IL6R: variants seen among roughly 807,000 people sequenced by gnomAD.
IL6R encodes interleukin-6 receptor subunit alpha.
IL6R carries 38 observed loss-of-function variants against 48.3 expected under a neutral mutation model. The ratio of observed to expected loss-of-function variants is 0.79; its 90% CI spans 0.61 to 1.03. The LOEUF (loss-of-function observed/expected upper bound fraction) is 1.03. IL6R is among the 50% of genes least tolerant of loss of function. The pLI, the probability that IL6R is intolerant of heterozygous loss-of-function variation, is 0.00. For missense variants in IL6R, 534 were observed against 618.3 expected (o/e 0.86, Z 1.45); for synonymous variants, 264 against 256.2 (o/e 1.03, Z -0.29).
chr1:154,434,656 G>A lies in IL6R; in HGVS notation c.596G>A (p.Gly199Glu). The change falls in exon 4 of 10, where the codon GGG becomes GAG. Residue 199 changes from glycine to glutamate, a missense_variant. Gly to Glu is a moderately conservative substitution (Grantham distance 98). Coordinates refer to ENST00000368485, the MANE Select transcript of IL6R (RefSeq NM_000565.4). ...TCCATGTGCGTCGCCAGTAGTGTCG[G>A]GAGCAAGTTCAGCAAAACTCAAACC... ...IVSMCVASSVGSKFSKTQTFQ... is the reference protein window; with the variant it reads ...IVSMCVASSVESKFSKTQTFQ... 3 of 1,614,108 alleles carry A rather than the reference G, an allele frequency of 1.9e-6. No homozygotes were observed. The highest frequency in any genetic ancestry group is 2.5e-6 in the Non-Finnish European group (3 of 1,180,020).
intron 1 of IL6R, chr1:154,414,955 C>A (rs1688249781): frequency 7.7e-7 from 1 of 1,307,156 alleles, no homozygotes; most frequent in South Asian, 1.3e-5. Flanking sequence ...TAGGATGCTC[C>A]ACTGGCCCCG....
In IL6R at chr1:154,466,078, G is replaced by A. The variant is rs535441734; in HGVS notation, c.*698G>A. ...TTGCTAAATGTGAATGATGATCCTA[G>A]GCATTTGCTGAATACAGAGGCAACT... On this transcript the variant is annotated 3_prime_UTR_variant, in exon 10 of 10. Coordinates refer to ENST00000368485, the MANE Select transcript of IL6R (RefSeq NM_000565.4). 6.5e-6 allele frequency: 1 copy of A among 152,972 alleles called. No individual in the cohort carries two copies. The highest frequency in any genetic ancestry group is 2.4e-5 in the African/African-American group (1 of 41,560). The allele number at this position is 152,972 out of a possible 1,614,324, so 9.5% of individuals were successfully genotyped here. A position where few individuals can be genotyped will look rare whatever the true frequency, so the allele number is the denominator to read the frequency against.
intron 6 of IL6R, among the ~76,000 whole-genome samples, chr1:154,445,681 C>T (rs910312881): frequency 4.0e-5 from 6 of 150,740 alleles, no homozygotes; most frequent in Middle Eastern, 3.4e-3. Flanking sequence ...ACCCAGGAGG[C>T]GGAGCTTGCA....
At chr1:154,418,017 G>A (rs1688451354) in intron 1 of IL6R, among the ~76,000 whole-genome samples, 1 of 152,160 alleles carries the variant, frequency 6.6e-6, no homozygotes, top group South Asian at 2.1e-4. Flanking sequence ...ACAGGCGTGA[G>A]CCACTTCACC....
At chr1:154,447,686 T>TTTTTG (rs527467504) in intron 6 of IL6R, among the ~76,000 whole-genome samples, 3,344 of 148,406 alleles carry the variant, frequency 0.023, 65 homozygotes, top group African/African-American at 0.048. Context: ...AGCATGCTGT[T>TTTTTG]TTTTGTTTTG....
chr1:154,465,298 C>G lies in IL6R; in HGVS notation c.1325C>G (p.Thr442Ser). Residue 442 changes from threonine (T) to serine (S), a missense_variant, in exon 10 of 10, where the codon ACC becomes AGC. By Grantham distance (58) the Thr-to-Ser change is moderately conservative (BLOSUM62 1). Transcript: ENST00000368485. Reference sequence around the variant, plus strand: ...CCCAGCAGCCTGGGGTCTGACAATACCTCGAGCCACAACCGACCAGATGCC... The same window carrying G: ...CCCAGCAGCCTGGGGTCTGACAATAGCTCGAGCCACAACCGACCAGATGCC... ...VSPSSLGSDN[T>S]SSHNRPDARD... 6.2e-7 allele frequency: 1 copy of G among 1,614,162 alleles called. No homozygotes were observed. Among genetic ancestry groups the G allele is most frequent in the Non-Finnish European group, 8.5e-7 (1 of 1,180,024 alleles).
Position 154,444,096 on chromosome 1 carries a change from A to C in IL6R, c.950-4029A>C, listed in dbSNP as rs80033405. On this transcript the variant is annotated intron_variant, in intron 6 of 9. Transcript: ENST00000368485. ...CACGACCCTCCTCCCTCATCCTCGC[A>C]TTGCCTATCCGCCTGACATCCTTGT... Among the ~76,000 whole-genome samples the C allele has an allele frequency of 7.2e-3, 1,092 of 151,790 alleles. 3 individuals are homozygous for C. The highest frequency in any genetic ancestry group is 0.012 in the Admixed American group (182 of 15,238).
At chr1:154,443,724 C>T (rs1416009195) in intron 6 of IL6R, among the ~76,000 whole-genome samples, 1 of 152,250 alleles carries the variant, frequency 6.6e-6, no homozygotes, top group African/African-American at 2.4e-5. Flanking sequence ...AGCACAGAGC[C>T]TGGCACATGA....
At chr1:154,412,593 T>C (rs1341352737) in intron 1 of IL6R, among the ~76,000 whole-genome samples, 1 of 152,160 alleles carries the variant, frequency 6.6e-6, no homozygotes, top group Admixed American at 6.5e-5. Context: ...AGGGGGATGC[T>C]ATAATGTGAG....
At chr1:154,462,070 A>C (rs1691295060) in intron 9 of IL6R, among the ~76,000 whole-genome samples, 1 of 152,230 alleles carries the variant, frequency 6.6e-6, no homozygotes, top group Non-Finnish European at 1.5e-5. Flanking sequence ...GACTTTTTGC[A>C]ATAAGGAAAT....
At chr1:154,449,086 G>A (rs979798335) in intron 7 of IL6R, among the ~76,000 whole-genome samples, 6 of 145,680 alleles carry the variant, frequency 4.1e-5, no homozygotes, top group East Asian at 2.0e-4. Context: ...TAGTAGAGAC[G>A]GGGTTTCACC....
intron 9 of IL6R, among the ~76,000 whole-genome samples, chr1:154,464,678 G>T (rs907542148): frequency 2.6e-5 from 4 of 152,118 alleles, no homozygotes; most frequent in African/African-American, 9.7e-5. Flanking sequence ...AAACAGTCGG[G>T]TCGGGTGTGC....
At chr1:154,418,698 C>T (rs1350605707) in intron 1 of IL6R, among the ~76,000 whole-genome samples, 106 of 152,096 alleles carry the variant, frequency 7.0e-4, no homozygotes, top group Non-Finnish European at 1.5e-5. Flanking sequence ...ATGAATGGGC[C>T]CAGATGGTGG....
chr1:154,428,069 C>G (rs1689073811), intron 1 of IL6R, among the ~76,000 whole-genome samples: 1 of 152,114 alleles, frequency 6.6e-6, no homozygotes, highest in Non-Finnish European at 1.5e-5. Flanking sequence ...TGTTCCCTGG[C>G]CTCTGTTTCC....
intron 6 of IL6R, among the ~76,000 whole-genome samples, chr1:154,442,361 G>A (rs548778698): frequency 2.0e-5 from 3 of 152,320 alleles, no homozygotes; most frequent in Admixed American, 2.0e-4. Context: ...GACAGAAAAT[G>A]GGGATTGTAG....
chr1:154,442,521 A>G (rs1570977269), intron 6 of IL6R, among the ~76,000 whole-genome samples: 1 of 152,286 alleles, frequency 6.6e-6, no homozygotes, highest in East Asian at 1.9e-4. Context: ...GGAATGCCAT[A>G]GAGTGGGGCT....
chr1:154,454,330 G>C (rs1048351778), intron 8 of IL6R, 158 bp from the exon 9 acceptor site: 2 of 611,186 alleles, frequency 3.3e-6, no homozygotes, highest in Non-Finnish European at 5.8e-6. Context: ...ATGGCCTGTT[G>C]GTTGGCAGAG....
chr1:154,414,161 A>T (rs962666829), intron 1 of IL6R, among the ~76,000 whole-genome samples: 2 of 151,094 alleles, frequency 1.3e-5, no homozygotes, highest in African/African-American at 2.4e-5. Context: ...CTGGCTGCAA[A>T]TTTTTTTTTC....
chr1:154,432,416 G>C (rs937219913), intron 3 of IL6R, among the ~76,000 whole-genome samples: 4 of 150,808 alleles, frequency 2.7e-5, no homozygotes, highest in African/African-American at 9.8e-5. Flanking sequence ...GGAGTGCAGT[G>C]GTGGGATCTC....
Sources: gnomAD v4.1 joint callset for allele counts (sites outside exome capture counted in the v4.1 genomes callset) on GRCh38, gnomAD v4.1.1 for gene constraint, MANE v1.5 for transcripts, NCBI Gene and HGNC (gene_info 2026-07-23, HGNC 2026-07-21) for gene names.